Variants in PIGF observed in about 807,000 individuals in gnomAD.
PIGF encodes phosphatidylinositol glycan anchor biosynthesis class F.
In PIGF, 23 loss-of-function variants were observed where a neutral mutation model predicts 26.0. That is an observed-to-expected ratio of 0.88 (90% CI 0.64 to 1.25). PIGF has a LOEUF of 1.25. Among genes scored for constraint, PIGF ranks in the 50% most tolerant of loss-of-function variants. The probability of loss-of-function intolerance (pLI) is 0.00; values close to 1 mark genes in which losing one functional copy is unlikely to be tolerated. For missense variants in PIGF, 278 were observed against 249.9 expected (o/e 1.11, Z -0.76); for synonymous variants, 93 against 92.6 (o/e 1.00, Z -0.03).
chr2:46,615,116 T>G lies in PIGF; in HGVS notation c.49A>C (p.Ile17Leu). The change falls in exon 2 of 6, where the codon ATA becomes CTA. Residue 17 changes from isoleucine (I) to leucine (L), a missense_variant. Ile to Leu is a conservative substitution (Grantham distance 5). Transcript: ENST00000281382. ...KRLLYTHLLC[I>L]FSIILSVFIP... is the part of the protein sequence containing the mutation. ...AAGACACTTAGGATAATTGAAAATA[T>G]GCATAAAAGATGGGTATACAGTAGT... 1 of 1,583,568 alleles carries G rather than the reference T, an allele frequency of 6.3e-7. No homozygotes were observed. Among genetic ancestry groups the G allele is most frequent in the Non-Finnish European group, 8.7e-7 (1 of 1,152,166 alleles).
At chr2:46,612,089 A>T (rs1476591219) in intron 4 of PIGF, 139 bp downstream of exon 4, 5 of 361,522 alleles carry the variant, frequency 1.4e-5, no homozygotes, top group African/African-American at 2.1e-5. Context: ...CCCTAATTGC[A>T]GTGACCCCTT....
chr2:46,609,277 C>T (rs1313615756), intron 4 of PIGF, among the ~76,000 whole-genome samples: 2 of 152,228 alleles, frequency 1.3e-5, no homozygotes, highest in East Asian at 3.9e-4. Context: ...GTAACTTTCT[C>T]ACCTCTCTCA....
At chr2:46,603,076 T>C (rs1572779082) in intron 4 of PIGF, among the ~76,000 whole-genome samples, 1 of 151,746 alleles carries the variant, frequency 6.6e-6, no homozygotes, top group East Asian at 1.9e-4. Context: ...CAGCAAATAA[T>C]CTGAAAAAGA....
intron 2 of PIGF, chr2:46,614,331 A>G (rs768956938): frequency 6.5e-6 from 1 of 153,254 alleles, no homozygotes; most frequent in Non-Finnish European, 1.5e-5. Context: ...GCTTAAGAAT[A>G]TATAAACATA....
Sources: gnomAD v4.1 joint callset for allele counts (sites outside exome capture counted in the v4.1 genomes callset) on GRCh38, gnomAD v4.1.1 for gene constraint, MANE v1.5 for transcripts, NCBI Gene and HGNC (gene_info 2026-07-23, HGNC 2026-07-21) for gene names.